MON2: variants seen among roughly 807,000 people sequenced by gnomAD.
MON2 encodes protein MON2 homolog.
MON2 carries 84 observed loss-of-function variants against 208.6 expected under a neutral mutation model. That is an observed-to-expected ratio of 0.40 (90% CI 0.34 to 0.48). The LOEUF (loss-of-function observed/expected upper bound fraction) is 0.48, where lower values mean the gene tolerates loss of function less well. MON2 is among the 20% of genes least tolerant of loss of function. The pLI, the probability that MON2 is intolerant of heterozygous loss-of-function variation, is 0.59. For synonymous variants in MON2, 660 were observed against 694.0 expected (o/e 0.95, Z 0.77); for missense variants, 1,611 against 2,015.4 (o/e 0.80, Z 3.84).
At chr12:62,515,016 G>T (rs561157345) in intron 8 of MON2, among the ~76,000 whole-genome samples, 15 of 152,298 alleles carry the variant, frequency 9.8e-5, no homozygotes, top group African/African-American at 3.6e-4. Context: ...GAGAAAATTG[G>T]AACCCTTGTG....
rs575247249 is a variant in MON2, at chr12:62,560,740, G to A, written c.3659G>A (p.Gly1220Glu). ...VRTDSIGEKL[G>E]RYSSSEPPIV... Reference sequence around the variant, plus strand: ...ACAGATTCCATTGGAGAAAAACTAGGAAGATATAGTAGCTCTGAGCCACCC... The same window carrying A: ...ACAGATTCCATTGGAGAAAAACTAGAAAGATATAGTAGCTCTGAGCCACCC... Residue 1220 changes from glycine (G) to glutamate (E), a missense_variant, in exon 26 of 35, where the codon GGA (glycine) becomes GAA (glutamate). By Grantham distance (98) the Gly-to-Glu change is moderately conservative. Transcript: ENST00000393630. 6.2e-7 allele frequency: 1 copy of A among 1,614,118 alleles called. No homozygotes were observed. Among genetic ancestry groups the A allele is most frequent in the African/African-American group, 1.3e-5 (1 of 75,044 alleles).
At position 62,531,104 on chromosome 12, in the gene MON2, A is replaced by G. The variant is rs1436354035; in HGVS notation, c.1401-1334A>G. Among the ~76,000 whole-genome samples, 4 of 152,296 alleles carry G rather than the reference A, an allele frequency of 2.6e-5. No homozygotes were observed. The East Asian group carries it at 7.7e-4, about 29-fold the overall frequency. On this transcript the variant is annotated intron_variant, in intron 11 of 34. Transcript: ENST00000393630. Reference sequence around the variant, plus strand: ...TTTTTCTTATTTAATTTTAAGAGTTATATATTCTAGATGCCTGTCTCTTAT... The same window carrying G: ...TTTTTCTTATTTAATTTTAAGAGTTGTATATTCTAGATGCCTGTCTCTTAT...
At chr12:62,586,249 G>A (rs929676940) in intron 33 of MON2, among the ~76,000 whole-genome samples, 14 of 152,286 alleles carry the variant, frequency 9.2e-5, no homozygotes, top group Admixed American at 6.5e-4. Flanking sequence ...CATTGTTCCC[G>A]TCTCATAAGG....
In MON2 at chr12:62,546,998, G is replaced by C; in HGVS notation, c.2679G>C (p.Gln893His). ...KQLECVLQIL[Q>H]SQGDSLGPGW... is the part of the protein sequence containing the mutation. Reference sequence around the variant, plus strand: ...TAGAATGCGTGTTGCAGATTCTGCAGAGTCAGGGAGACAGTCTTGGGCCTG... The same window carrying C: ...TAGAATGCGTGTTGCAGATTCTGCACAGTCAGGGAGACAGTCTTGGGCCTG... The change falls in exon 22 of 35, where the codon CAG (glutamine) becomes CAC (histidine). Residue 893 changes from glutamine (Q) to histidine (H), a missense_variant. Physicochemically the swap from Gln to His is conservative, Grantham distance 24. Transcript: ENST00000393630. The C allele has an allele frequency of 6.2e-7, 1 of 1,612,958 alleles. No individual in the cohort carries two copies. Among genetic ancestry groups the C allele is most frequent in the Non-Finnish European group, 8.5e-7 (1 of 1,179,212 alleles).
intron 24 of MON2, among the ~76,000 whole-genome samples, chr12:62,555,411 T>G (rs980976441): frequency 2.0e-5 from 3 of 151,980 alleles, no homozygotes; most frequent in Admixed American, 6.6e-5. Flanking sequence ...CTTGAACTCC[T>G]GGGCTCAAGC....
intron 1 of MON2, among the ~76,000 whole-genome samples, chr12:62,483,388 A>G (rs527946014): frequency 6.6e-6 from 1 of 152,328 alleles, no homozygotes; most frequent in East Asian, 1.9e-4. Context: ...CTCAAAAAAG[A>G]AAACAAAGTA....
rs2075449532 is a variant in MON2 at position 62,593,231 on chromosome 12, G to A, written c.*482G>A. The A allele has an allele frequency of 6.5e-6, 1 of 153,250 alleles. No individual in the cohort carries two copies. The highest frequency in any genetic ancestry group is 1.5e-5 in the Non-Finnish European group (1 of 68,516). The allele number at this position is 153,250 out of a possible 1,614,324, so 9.5% of individuals were successfully genotyped here. A position where few individuals can be genotyped will look rare whatever the true frequency, so the allele number is the denominator to read the frequency against. ...TATAACCAGCCTTTGTTAACAAAGGGAACTGATATACTTGTGTGTATAATA... is the reference window on the plus strand; with the variant it reads ...TATAACCAGCCTTTGTTAACAAAGGAAACTGATATACTTGTGTGTATAATA... On this transcript the variant is annotated 3_prime_UTR_variant, in exon 35 of 35. Coordinates refer to ENST00000393630, the MANE Select transcript of MON2 (RefSeq NM_015026.3).
intron 1 of MON2, among the ~76,000 whole-genome samples, chr12:62,481,338 A>G (rs1461187070): frequency 2.0e-5 from 3 of 152,070 alleles, no homozygotes; most frequent in African/African-American, 7.2e-5. Context: ...CATCCTGGCT[A>G]ACATGGTGAA....
At chr12:62,551,008 C>T (rs970037753) in intron 23 of MON2, among the ~76,000 whole-genome samples, 3 of 150,040 alleles carry the variant, frequency 2.0e-5, no homozygotes, top group Non-Finnish European at 4.4e-5. Flanking sequence ...CAACCTCTGC[C>T]TCCTGGGTTC....
chr12:62,514,902 T>C (rs963982926), intron 8 of MON2, among the ~76,000 whole-genome samples: 4 of 152,178 alleles, frequency 2.6e-5, no homozygotes, highest in African/African-American at 9.7e-5. Context: ...CTCCAATCAT[T>C]AGAGAAATGC....
At chr12:62,580,459 A>G in intron 32 of MON2, 39 bp downstream of exon 32, 1 of 1,511,276 alleles carries the variant, frequency 6.6e-7, no homozygotes, top group Non-Finnish European at 9.1e-7. Flanking sequence ...GTATTGAAGT[A>G]CTTTTGAAGA....
intron 1 of MON2, chr12:62,470,854 T>C: frequency 1.0e-5 from 5 of 487,092 alleles, no homozygotes; most frequent in Non-Finnish European, 1.4e-5. Flanking sequence ...GAGAGTAATA[T>C]GATCAAATTG....
rs760773203 is a variant in MON2 at position 62,592,725 on chromosome 12, CA to C, written c.5131del (p.Arg1711GlufsTer14). ...AGGATTTCATGCAGCCACCAGCATC[CA>C]GAGTTCAAAATGGAGAATCTTGACC... Reference protein sequence around the residue: ...FKDFMQPPASRVQNGES With the variant: ...FKDFMQPPASXVQNGES On this transcript the variant is annotated frameshift_variant, in exon 35 of 35. Coordinates refer to ENST00000393630, the MANE Select transcript of MON2 (RefSeq NM_015026.3). LOFTEE classifies it high-confidence loss of function. 5 of 1,598,390 alleles carry C rather than the reference CA, an allele frequency of 3.1e-6. No individual in the cohort carries two copies. Among genetic ancestry groups the C allele is most frequent in the Non-Finnish European group, 3.4e-6 (4 of 1,168,498 alleles).
intron 19 of MON2, among the ~76,000 whole-genome samples, chr12:62,541,715 C>G (rs1161624448): frequency 1.3e-5 from 2 of 152,190 alleles, no homozygotes; most frequent in Non-Finnish European, 2.9e-5. Flanking sequence ...TGGTGTGCAT[C>G]AGAAACAGCT....
intron 19 of MON2, 142 bp downstream of exon 19, chr12:62,538,647 C>T (rs747255076): frequency 3.8e-5 from 23 of 605,446 alleles, no homozygotes; most frequent in African/African-American, 7.4e-5. Context: ...TACCACTTAT[C>T]GTTATTTGTC....
chr12:62,495,299 C>G, intron 4 of MON2, 152 bp downstream of exon 4: 1 of 661,026 alleles, frequency 1.5e-6, no homozygotes, highest in Non-Finnish European at 2.3e-6. Context: ...ACTGTTGGTA[C>G]CTTATTTTTT....
At chr12:62,510,473 G>A (rs1399062094) in intron 8 of MON2, among the ~76,000 whole-genome samples, 11 of 152,138 alleles carry the variant, frequency 7.2e-5, no homozygotes, top group South Asian at 2.1e-4. Context: ...ATGTAAGGAC[G>A]TTTCAACATA....
At chr12:62,476,437 CTTTT>C (rs113521160) in intron 1 of MON2, among the ~76,000 whole-genome samples, 1 of 141,980 alleles carries the variant, frequency 7.0e-6, no homozygotes. Context: ...TTGAATTTCA[CTTTT>C]TTTTTTTTTT....
At chr12:62,469,469 A>G (rs1038122259) in intron 1 of MON2, among the ~76,000 whole-genome samples, 4 of 152,176 alleles carry the variant, frequency 2.6e-5, no homozygotes, top group Non-Finnish European at 4.4e-5. Context: ...TCTGATGCAT[A>G]ATTTTGTATA....
Sources: gnomAD v4.1 joint callset for allele counts (sites outside exome capture counted in the v4.1 genomes callset) on GRCh38, gnomAD v4.1.1 for gene constraint, MANE v1.5 for transcripts, NCBI Gene and HGNC (gene_info 2026-07-23, HGNC 2026-07-21) for gene names.